KRTAP4-11: variants seen among roughly 807,000 people sequenced by gnomAD.
KRTAP4-11 encodes keratin-associated protein 4-11.
Under a neutral mutation model 3.4 loss-of-function variants are expected in KRTAP4-11, and 3 were observed. The ratio of observed to expected loss-of-function variants is 0.87; its 90% confidence interval spans 0.40 to 2.26. The LOEUF is 2.26. Ranked by LOEUF, KRTAP4-11 falls within the 30% of genes most tolerant of loss-of-function variation. The probability of loss-of-function intolerance (pLI) is 0.05; values close to 1 mark genes in which losing one functional copy is unlikely to be tolerated. For synonymous variants in KRTAP4-11, 94 were observed against 89.4 expected (o/e 1.05, Z -0.29); for missense variants, 248 against 258.8 (o/e 0.96, Z 0.29).
rs770080799 is a variant in KRTAP4-11 at position 41,117,982 on chromosome 17, G to A, written c.334C>T (p.Pro112Ser). The A allele has an allele frequency of 6.7e-6, 10 of 1,483,256 alleles. 1 individual carries two copies. Among genetic ancestry groups the A allele is most frequent in the South Asian group, 5.5e-5 (4 of 72,576 alleles). The allele number at this position is 1,483,256 out of a possible 1,614,324, so 91.9% of individuals were successfully genotyped here. The change falls in exon 1 of 1, where the codon CCC (proline) becomes TCC (serine). Residue 112 changes from proline (P) to serine (S), a missense_variant. Physicochemically the swap from Pro to Ser is moderately conservative, Grantham distance 74 (BLOSUM62 -1). Coordinates refer to ENST00000391413, the MANE Select transcript of KRTAP4-11 (RefSeq NM_033059.4). Reference protein sequence around the residue: ...PRCCISSCCRPSCCVSSCCRP... With the variant: ...PRCCISSCCRSSCCVSSCCRP... ...CAGCAGCTGGACACACAGCAGCTGG[G>A]GCGACAGCAGCTGGAGATGCAGCAT...
chr17:41,117,297 G>T lies in KRTAP4-11; in HGVS notation c.*431C>A. 1 of 198,378 alleles carries T rather than the reference G, an allele frequency of 5.0e-6. No homozygotes were observed. The highest frequency in any genetic ancestry group is 1.0e-5 in the Non-Finnish European group (1 of 97,860). 12.3% of individuals were successfully genotyped at this position (198,378 alleles called of 1,614,324 possible). On this transcript the variant is annotated 3_prime_UTR_variant, in exon 1 of 1. Coordinates refer to ENST00000391413, the MANE Select transcript of KRTAP4-11 (RefSeq NM_033059.4). ...AACAGAGACAAAGAGAGAACAGGGAGAAAGCAGGAGAGCATGGGAGGGGCA... is the reference window on the plus strand; with the variant it reads ...AACAGAGACAAAGAGAGAACAGGGATAAAGCAGGAGAGCATGGGAGGGGCA...
Position 41,117,530 on chromosome 17 carries a change from G to A in KRTAP4-11, c.*198C>T, listed in dbSNP as rs2014302342. The A allele has an allele frequency of 1.6e-5, 14 of 852,342 alleles. No homozygotes were observed. The South Asian group carries it at 2.9e-4, about 18-fold the overall frequency. 52.8% of individuals were successfully genotyped at this position (852,342 alleles called of 1,614,324 possible). On this transcript the variant is annotated 3_prime_UTR_variant, in exon 1 of 1. Coordinates refer to ENST00000391413, the MANE Select transcript of KRTAP4-11 (RefSeq NM_033059.4). ...TTTGGTGCCATGACTGGAAGAGAAA[G>A]AAAGCAAGGGAGGGAGTTTAAAATG...
Position 41,118,160 on chromosome 17 carries a change from G to A in KRTAP4-11, c.156C>T (p.Pro52=), listed in dbSNP as rs536644143. The A allele has an allele frequency of 2.1e-5, 33 of 1,563,638 alleles. 1 individual carries two copies. The African/African-American group carries it at 3.8e-4, about 18-fold the overall frequency. ...GGCAGCACACAGACTGGCAGCACTG[G>A]GGCCTGCAGCAGCTGGACACACAGC... is the stretch of plus-strand genomic sequence containing the variant. ...PSCCVSSCCR[P]QCCQSVCCQP... The change falls in exon 1 of 1, where the codon CCC becomes CCT. Residue 52 remains proline, a synonymous_variant. Transcript: ENST00000391413.
rs769498313 is a variant in KRTAP4-11, at chr17:41,118,176, G to T, written c.140C>A (p.Ser47Tyr). ...TTYCRPSCCV[S>Y]SCCRPQCCQS... ...GCAGCACTGGGGCCTGCAGCAGCTG[G>T]ACACACAGCAGCTGGGGCGACAGTA... Residue 47 changes from serine to tyrosine, a missense_variant, in exon 1 of 1, where the codon TCC (serine) becomes TAC (tyrosine). Transcript: ENST00000391413. 1.9e-6 allele frequency: 3 copies of T among 1,611,318 alleles called. No individual in the cohort carries two copies. The Admixed American group carries it at 5.0e-5, about 27-fold the overall frequency.
rs1372882694 is a variant in KRTAP4-11 at position 41,117,751 on chromosome 17, A to C, written c.565T>G (p.Cys189Gly). ...GCTCAGCAGCAAGAGGAGGCACAGC[A>C]CAAGGGGCGGGGGCAGCTGGAGATG... ...CVISSCPRPL[C>G]CASSCC Residue 189 changes from cysteine to glycine, a missense_variant, in exon 1 of 1, where the codon TGC (cysteine) becomes GGC (glycine). Physicochemically the swap from Cys to Gly is radical, Grantham distance 159. Coordinates refer to ENST00000391413, the MANE Select transcript of KRTAP4-11 (RefSeq NM_033059.4). 3 of 1,586,820 alleles carry C rather than the reference A, an allele frequency of 1.9e-6. No homozygotes were observed. Among genetic ancestry groups the C allele is most frequent in the Admixed American group, 1.8e-5 (1 of 54,764 alleles).
Position 41,118,245 on chromosome 17 carries a change from C to G in KRTAP4-11, c.71G>C (p.Cys24Ser), listed in dbSNP as rs758557093. 1 of 1,613,616 alleles carries G rather than the reference C, an allele frequency of 6.2e-7. No homozygotes were observed. Among genetic ancestry groups the G allele is most frequent in the African/African-American group, 1.3e-5 (1 of 74,710 alleles). Residue 24 changes from cysteine (C) to serine (S), a missense_variant, in exon 1 of 1, where the codon TGC becomes TCC. Physicochemically the swap from Cys to Ser is moderately radical, Grantham distance 112. Transcript: ENST00000391413. ...GCGRDLCQET[C>S]CRPSCCETTC... The stretch of plus-strand genomic sequence containing the variant: ...GGTCTCACAGCAGCTGGGGCGGCAG[C>G]AGGTCTCCTGGCAGAGGTCTCGGCC...
At position 41,117,247 on chromosome 17, in the gene KRTAP4-11, A is replaced by G. The variant is rs1212992054; in HGVS notation, c.*481T>C. The G allele has an allele frequency of 1.8e-5, 3 of 167,796 alleles. No individual in the cohort carries two copies. Among genetic ancestry groups the G allele is most frequent in the Non-Finnish European group, 3.8e-5 (3 of 78,278 alleles). 10.4% of individuals were successfully genotyped at this position (167,796 alleles called of 1,614,324 possible). A position where few individuals can be genotyped will look rare whatever the true frequency, so the allele number is the denominator to read the frequency against. On this transcript the variant is annotated 3_prime_UTR_variant, in exon 1 of 1. Transcript: ENST00000391413. ...AATAAAGATAAAGAACCAATAAAAT[A>G]GAAAAATTCTGGCAAACTTGAACAA...
chr17:41,118,028 C>T lies in KRTAP4-11; in HGVS notation c.288G>A (p.Gln96=). 2 of 1,479,182 alleles carry T rather than the reference C, an allele frequency of 1.4e-6. No homozygotes were observed. Among genetic ancestry groups the T allele is most frequent in the South Asian group, 2.8e-5 (2 of 71,354 alleles). 91.6% of individuals were successfully genotyped at this position (1,479,182 alleles called of 1,614,324 possible). ...KPQCCQSMCC[Q]PTCCRPRCCI... The stretch of plus-strand genomic sequence containing the variant: ...AGCATCTGGGGCGGCAGCAAGTGGG[C>T]TGGCAGCACATAGACTGGCAGCACT... Residue 96 remains glutamine, a synonymous_variant, in exon 1 of 1, where the codon CAG becomes CAA. Transcript: ENST00000391413.
Position 41,117,393 on chromosome 17 carries a change from T to C in KRTAP4-11, c.*335A>G, listed in dbSNP as rs1239838774. 4.8e-6 allele frequency: 2 copies of C among 413,408 alleles called. No individual in the cohort carries two copies. Among genetic ancestry groups the C allele is most frequent in the Admixed American group, 4.1e-5 (1 of 24,388 alleles). The allele number at this position is 413,408 out of a possible 1,614,324, so 25.6% of individuals were successfully genotyped here. A position where few individuals can be genotyped will look rare whatever the true frequency, so the allele number is the denominator to read the frequency against. ...ACAAATAATATGTTTGAAATGGAGA[T>C]AATGTGTACCTCACTGGGAAGGATA... On this transcript the variant is annotated 3_prime_UTR_variant, in exon 1 of 1. Coordinates refer to ENST00000391413, the MANE Select transcript of KRTAP4-11 (RefSeq NM_033059.4).
In KRTAP4-11 at chr17:41,117,559, C is replaced by G; in HGVS notation, c.*169G>C. ...GCAAGGGAGGGAGTTTAAAATGAACCAGAATGTTCTCACAGAGTCAGTGGG... is the reference window on the plus strand; with the variant it reads ...GCAAGGGAGGGAGTTTAAAATGAACGAGAATGTTCTCACAGAGTCAGTGGG... On this transcript the variant is annotated 3_prime_UTR_variant, in exon 1 of 1. Transcript: ENST00000391413. 1 of 1,127,596 alleles carries G rather than the reference C, an allele frequency of 8.9e-7. No homozygotes were observed. Among genetic ancestry groups the G allele is most frequent in the East Asian group, 2.6e-5 (1 of 38,056 alleles). 69.8% of individuals were successfully genotyped at this position (1,127,596 alleles called of 1,614,324 possible). A position where few individuals can be genotyped will look rare whatever the true frequency, so the allele number is the denominator to read the frequency against.
In KRTAP4-11 at chr17:41,117,925, G is replaced by C. The variant is rs759857035; in HGVS notation, c.391C>G (p.Gln131Glu). The change falls in exon 1 of 1, where the codon CAG (glutamine) becomes GAG (glutamate). Residue 131 changes from glutamine (Q) to glutamate (E), a missense_variant. By Grantham distance (29) the Gln-to-Glu change is conservative. Around this residue, in one of 3 missense-constraint regions of KRTAP4-11, gnomAD observed 131 missense variants for 130.2 expected, o/e 1.01. Transcript: ENST00000391413. ...RPQCCQSVCC[Q>E]PTCCHPSCSI... ...CAGCTGGGGTGGCAGCAGGTGGGCTGGCAGCACACAGACTGGCAGCACTGG... is the reference window on the plus strand; with the variant it reads ...CAGCTGGGGTGGCAGCAGGTGGGCTCGCAGCACACAGACTGGCAGCACTGG... 1 of 1,600,652 alleles carries C rather than the reference G, an allele frequency of 6.2e-7. No individual in the cohort carries two copies. The highest frequency in any genetic ancestry group is 8.5e-7 in the Non-Finnish European group (1 of 1,173,506).
Position 41,118,128 on chromosome 17 carries a change from G to A in KRTAP4-11, c.188C>T (p.Thr63Ile). Residue 63 changes from threonine to isoleucine, a missense_variant, in exon 1 of 1, where the codon ACC (threonine) becomes ATC (isoleucine). Around this residue, in one of 3 missense-constraint regions of KRTAP4-11, gnomAD observed 110 missense variants for 102.8 expected, o/e 1.07. Coordinates refer to ENST00000391413, the MANE Select transcript of KRTAP4-11 (RefSeq NM_033059.4). ...GATGCAGCATCTGGGGCGGCAGCAGGTGGGCTGGCAGCACACAGACTGGCA... is the reference window on the plus strand; with the variant it reads ...GATGCAGCATCTGGGGCGGCAGCAGATGGGCTGGCAGCACACAGACTGGCA... ...QCCQSVCCQP[T>I]CCRPRCCISS... 2.6e-6 allele frequency: 4 copies of A among 1,560,784 alleles called. 1 individual carries two copies. The highest frequency in any genetic ancestry group is 3.0e-5 in the African/African-American group (2 of 67,468).
At position 41,117,370 on chromosome 17, in the gene KRTAP4-11, AAAT is replaced by A. The variant is rs2143913768; in HGVS notation, c.*355_*357del. On this transcript the variant is annotated 3_prime_UTR_variant, in exon 1 of 1. Transcript: ENST00000391413. ...AAGAATGACTGAAAGGCTGACAGAC[AAAT>A]AATATGTTTGAAATGGAGATAATGT... The A allele has an allele frequency of 3.1e-6, 1 of 325,800 alleles. No homozygotes were observed. Among genetic ancestry groups the A allele is most frequent in the South Asian group, 7.6e-5 (1 of 13,108 alleles). 20.2% of individuals were successfully genotyped at this position (325,800 alleles called of 1,614,324 possible).
At position 41,117,210 on chromosome 17, in the gene KRTAP4-11, T is replaced by C. The variant is rs1184392454; in HGVS notation, c.*518A>G. Reference sequence around the variant, plus strand: ...TAAATGAAAAGTTTAATACAATATATTTTGTGAACACAATAAAGATAAAGA... The same window carrying C: ...TAAATGAAAAGTTTAATACAATATACTTTGTGAACACAATAAAGATAAAGA... On this transcript the variant is annotated 3_prime_UTR_variant, in exon 1 of 1. Transcript: ENST00000391413. 14 of 157,366 alleles carry C rather than the reference T, an allele frequency of 8.9e-5. No individual in the cohort carries two copies. Among genetic ancestry groups the C allele is most frequent in the Admixed American group, 6.8e-4 (11 of 16,106 alleles). 9.7% of individuals were successfully genotyped at this position (157,366 alleles called of 1,614,324 possible).
At position 41,118,100 on chromosome 17, in the gene KRTAP4-11, G is replaced by A. The variant is rs60701996; in HGVS notation, c.216C>T (p.Ser72=). 1.3e-6 allele frequency: 2 copies of A among 1,584,784 alleles called. No homozygotes were observed. Among genetic ancestry groups the A allele is most frequent in the Non-Finnish European group, 1.7e-6 (2 of 1,167,560 alleles). The change falls in exon 1 of 1, where the codon TCC becomes TCT. Residue 72 remains serine (S), a synonymous_variant. Coordinates refer to ENST00000391413, the MANE Select transcript of KRTAP4-11 (RefSeq NM_033059.4). ...CACAGCAGCTGGGGCGACAGCAGCTGGAGATGCAGCATCTGGGGCGGCAGC... is the reference window on the plus strand; with the variant it reads ...CACAGCAGCTGGGGCGACAGCAGCTAGAGATGCAGCATCTGGGGCGGCAGC... ...PTCCRPRCCI[S]SCCRPSCCVS... is the part of the protein sequence containing the mutation.
Position 41,118,373 on chromosome 17 carries a change from G to A in KRTAP4-11, c.-58C>T. On this transcript the variant is annotated 5_prime_UTR_variant, in exon 1 of 1. Transcript: ENST00000391413. Reference sequence around the variant, plus strand: ...CTAGGAGAGTGAAGTTCTTGTGTTTGGAAGTCTCCTGGGCCTGTAGTCCCT... The same window carrying A: ...CTAGGAGAGTGAAGTTCTTGTGTTTAGAAGTCTCCTGGGCCTGTAGTCCCT... 1.3e-6 allele frequency: 2 copies of A among 1,514,352 alleles called. No homozygotes were observed. The highest frequency in any genetic ancestry group is 1.8e-6 in the Non-Finnish European group (2 of 1,124,704). The allele number at this position is 1,514,352 out of a possible 1,614,324, so 93.8% of individuals were successfully genotyped here. A position where few individuals can be genotyped will look rare whatever the true frequency, so the allele number is the denominator to read the frequency against.
In KRTAP4-11 at chr17:41,117,685, T is replaced by C; in HGVS notation, c.*43A>G. 6.5e-7 allele frequency: 1 copy of C among 1,541,884 alleles called. No homozygotes were observed. The highest frequency in any genetic ancestry group is 8.8e-7 in the Non-Finnish European group (1 of 1,141,988). On this transcript the variant is annotated 3_prime_UTR_variant, in exon 1 of 1. Coordinates refer to ENST00000391413, the MANE Select transcript of KRTAP4-11 (RefSeq NM_033059.4). The stretch of plus-strand genomic sequence containing the variant: ...TCAGCACAGAAGAATGGTCTACAAC[T>C]GTGGGCCTGCAGTGAAGGGAGAGAT...
Position 41,118,356 on chromosome 17 carries a change from G to A in KRTAP4-11, c.-41C>T, listed in dbSNP as rs149970329. 5.3e-4 allele frequency: 817 copies of A among 1,549,078 alleles called. 22 individuals carry two copies. In the African/African-American group the frequency reaches 0.01, roughly 19 times the overall value. On this transcript the variant is annotated 5_prime_UTR_variant, in exon 1 of 1. Coordinates refer to ENST00000391413, the MANE Select transcript of KRTAP4-11 (RefSeq NM_033059.4). ...AGGATCTAGTTGGGTTTCTAGGAGA[G>A]TGAAGTTCTTGTGTTTGGAAGTCTC...
Position 41,117,783 on chromosome 17 carries a change from G to T in KRTAP4-11, c.533C>A (p.Thr178Asn), listed in dbSNP as rs751624180. ...VSCHTTCYRP[T>N]CVISSCPRPL... is the part of the protein sequence containing the mutation. ...GCGGGGGCAGCTGGAGATGACACAG[G>T]TTGGGCGATAGCAAGTGGTGTGGCA... is the stretch of plus-strand genomic sequence containing the variant. Residue 178 changes from threonine to asparagine, a missense_variant, in exon 1 of 1, where the codon ACC (threonine) becomes AAC (asparagine). Transcript: ENST00000391413. 16 of 1,596,832 alleles carry T rather than the reference G, an allele frequency of 1.0e-5. No individual in the cohort carries two copies. The highest frequency in any genetic ancestry group is 8.1e-5 in the African/African-American group (6 of 74,284).
Sources: allele counts gnomAD v4.1 joint callset, GRCh38; gene constraint gnomAD v4.1.1; regional missense constraint gnomAD v4.1.1; transcripts MANE v1.5; gene names NCBI Gene and HGNC (gene_info 2026-07-23, HGNC 2026-07-21).